The following ARHGAP18 variants were observed in gnomAD, a reference collection of about 807,000 sequenced individuals.
ARHGAP18 encodes rho GTPase-activating protein 18.
Under a neutral mutation model 86.2 loss-of-function variants are expected in ARHGAP18, and 67 were observed. The ratio of observed to expected loss-of-function variants is 0.78; its 90% CI spans 0.64 to 0.95. The LOEUF (loss-of-function observed/expected upper bound fraction) is 0.95. ARHGAP18 is among the 40% of genes least tolerant of loss of function. The pLI is 0.00. For synonymous variants in ARHGAP18, 283 were observed against 280.4 expected (o/e 1.01, Z -0.09); for missense variants, 691 against 780.4 (o/e 0.89, Z 1.37).
At chr6:129,601,512 A>AAAGAGAG (rs756196156) in intron 10 of ARHGAP18, among the ~76,000 whole-genome samples, 2 of 151,778 alleles carry the variant, frequency 1.3e-5, no homozygotes, top group Admixed American at 6.6e-5. Flanking sequence ...AGAAAAGAGA[A>AAAGAGAG]AAGAGAGAAG....
At position 129,634,380 on chromosome 6, in the gene ARHGAP18, G is replaced by A. The variant is rs768740022; in HGVS notation, c.553-275C>T. ...GTCATCAAGAATGCTACTATGGAGGGGAGGAGAAAGGACAAACATGTTAAA... is the reference window on the plus strand; with the variant it reads ...GTCATCAAGAATGCTACTATGGAGGAGAGGAGAAAGGACAAACATGTTAAA... On this transcript the variant is annotated intron_variant, in intron 3 of 14. Transcript: ENST00000368149. Among the ~76,000 whole-genome samples the A allele has an allele frequency of 9.9e-5, 15 of 152,090 alleles. 1 individual carries two copies. The highest frequency in any genetic ancestry group is 2.9e-5 in the Non-Finnish European group (2 of 68,012).
intron 1 of ARHGAP18, among the ~76,000 whole-genome samples, chr6:129,675,733 T>C (rs1486207385): frequency 1.3e-5 from 2 of 152,108 alleles, no homozygotes; most frequent in African/African-American, 4.8e-5. Context: ...AAATAGAGAC[T>C]TAATTGTTTT....
intron 6 of ARHGAP18, among the ~76,000 whole-genome samples, chr6:129,618,353 GAAAT>G (rs1789139479): frequency 6.6e-6 from 1 of 152,222 alleles, no homozygotes; most frequent in African/African-American, 2.4e-5. Flanking sequence ...TCTGATTCTG[GAAAT>G]AAATAAATAT....
intron 7 of ARHGAP18, among the ~76,000 whole-genome samples, chr6:129,615,734 G>T (rs1789084752): frequency 1.3e-5 from 2 of 152,164 alleles, no homozygotes; most frequent in Admixed American, 1.3e-4. Flanking sequence ...ATAACTGAGT[G>T]TTGACTACAC....
chr6:129,625,367 T>G (rs1307593073), intron 5 of ARHGAP18, among the ~76,000 whole-genome samples: 2 of 70,914 alleles, frequency 2.8e-5, no homozygotes, highest in Non-Finnish European at 4.6e-5. Flanking sequence ...TTATGTATAT[T>G]TATATATATT....
chr6:129,677,401 A>T (rs1184033587), intron 1 of ARHGAP18, among the ~76,000 whole-genome samples: 1 of 152,168 alleles, frequency 6.6e-6, no homozygotes, highest in East Asian at 1.9e-4. Context: ...TCAAAAAAAA[A>T]AAAAAATTGC....
At chr6:129,625,081 T>C (rs1420070541) in intron 5 of ARHGAP18, among the ~76,000 whole-genome samples, 3 of 102,514 alleles carry the variant, frequency 2.9e-5, no homozygotes, top group African/African-American at 1.2e-4. Context: ...ATAATATATA[T>C]GATATATGAT....
At chr6:129,606,739 G>A (rs572520040) in intron 9 of ARHGAP18, among the ~76,000 whole-genome samples, 18 of 152,080 alleles carry the variant, frequency 1.2e-4, no homozygotes, top group South Asian at 4.2e-4. Context: ...TTTCAGTTCC[G>A]TCTCTCCTAG....
chr6:129,674,266 G>C (rs1774191638), intron 1 of ARHGAP18, among the ~76,000 whole-genome samples: 1 of 152,170 alleles, frequency 6.6e-6, no homozygotes, highest in African/African-American at 2.4e-5. Context: ...CTGCCTGCCT[G>C]GTTCCATCAT....
intron 8 of ARHGAP18, among the ~76,000 whole-genome samples, chr6:129,611,321 T>C (rs1485350469): frequency 6.6e-6 from 1 of 152,294 alleles, no homozygotes; most frequent in East Asian, 1.9e-4. Context: ...ATAGGTAATA[T>C]GGTGATTTTG....
In ARHGAP18 at chr6:129,618,874, T is replaced by C. The variant is rs769174478; in HGVS notation, c.787-22A>G. On this transcript the variant is annotated intron_variant, in intron 5 of 14. Coordinates refer to ENST00000368149, the MANE Select transcript of ARHGAP18 (RefSeq NM_033515.3). ...AACTCTAAAATAAACATCATTAATA[T>C]AGTAAAAGCTTACAGTACCTAACCT... The C allele has an allele frequency of 3.9e-5, 63 of 1,602,978 alleles. 2 individuals are homozygous for C. The South Asian group carries it at 5.8e-4, about 15-fold the overall frequency.
At chr6:129,633,429 C>A in intron 4 of ARHGAP18, among the ~76,000 whole-genome samples, 1 of 120,570 alleles carries the variant, frequency 8.3e-6, no homozygotes. Flanking sequence ...AGCAAGACTC[C>A]ACCTCAAAAA....
At chr6:129,705,754 T>G (rs954703119) in intron 1 of ARHGAP18, among the ~76,000 whole-genome samples, 2 of 152,172 alleles carry the variant, frequency 1.3e-5, no homozygotes, top group African/African-American at 4.8e-5. Context: ...AACCAGACAC[T>G]CTTCTATGGG....
chr6:129,630,066 G>A (rs992184659), intron 4 of ARHGAP18, among the ~76,000 whole-genome samples: 1 of 152,144 alleles, frequency 6.6e-6, no homozygotes, highest in Non-Finnish European at 1.5e-5. Flanking sequence ...GCCAAAAAGT[G>A]ATCACTATGC....
At chr6:129,613,229 T>C (rs1163376730) in intron 7 of ARHGAP18, among the ~76,000 whole-genome samples, 2 of 117,938 alleles carry the variant, frequency 1.7e-5, no homozygotes, top group African/African-American at 6.2e-5. Context: ...CGAGACTCTG[T>C]CTCAAAAAAA....
intron 1 of ARHGAP18, among the ~76,000 whole-genome samples, chr6:129,647,684 A>T (rs1364417951): frequency 6.6e-6 from 1 of 151,902 alleles, no homozygotes; most frequent in Non-Finnish European, 1.5e-5. Flanking sequence ...AAAAAAAAAA[A>T]AGGCAGTGGG....
At chr6:129,617,160 GA>G (rs1226587605) in intron 6 of ARHGAP18, among the ~76,000 whole-genome samples, 1 of 151,976 alleles carries the variant, frequency 6.6e-6, no homozygotes, top group Admixed American at 6.6e-5. Context: ...AATAGCTCCA[GA>G]AAAAAATGAT....
intron 7 of ARHGAP18, among the ~76,000 whole-genome samples, chr6:129,613,021 C>T (rs888096467): frequency 1.3e-5 from 2 of 152,026 alleles, no homozygotes; most frequent in Non-Finnish European, 2.9e-5. Flanking sequence ...ATCACAAGGT[C>T]AGGAGATCGA....
intron 12 of ARHGAP18, among the ~76,000 whole-genome samples, chr6:129,597,949 C>T (rs1210222094): frequency 6.6e-6 from 1 of 151,884 alleles, no homozygotes; most frequent in Non-Finnish European, 1.5e-5. Flanking sequence ...AAAAAGTAAA[C>T]GTTTCAGTTT....
Sources: allele counts gnomAD v4.1 joint callset (sites outside exome capture counted in the v4.1 genomes callset), GRCh38; gene constraint gnomAD v4.1.1; transcripts MANE v1.5; gene names NCBI Gene and HGNC (gene_info 2026-07-23, HGNC 2026-07-21).